Variants in STPG2 observed in about 807,000 individuals in gnomAD.
STPG2 encodes the protein sperm-tail PG-rich repeat-containing protein 2.
Under a neutral mutation model 54.2 loss-of-function variants are expected in STPG2, and 56 were observed. That is an observed-to-expected ratio of 1.03 (90% CI 0.83 to 1.29). The LOEUF (loss-of-function observed/expected upper bound fraction) is 1.29, where lower values mean the gene tolerates loss of function less well. Ranked by LOEUF, STPG2 falls within the 50% of genes most tolerant of loss-of-function variation. The pLI, the probability that STPG2 is intolerant of heterozygous loss-of-function variation, is 0.00. For missense variants in STPG2, 596 were observed against 544.9 expected, an observed-to-expected ratio of 1.09 and a Z score of -0.93; for synonymous variants, 200 against 181.8, an observed-to-expected ratio of 1.10 and a Z score of -0.81.
At chr4:97,717,071 A>G (rs1246826215) in intron 9 of STPG2, among the ~76,000 whole-genome samples, 1 of 152,092 alleles carries the variant, frequency 6.6e-6, no homozygotes, top group African/African-American at 2.4e-5. Context: ...TCAATGCCAG[A>G]GACACATTTA....
intron 5 of STPG2, among the ~76,000 whole-genome samples, chr4:98,000,631 C>G (rs571534737): frequency 6.6e-6 from 1 of 152,192 alleles, no homozygotes; most frequent in East Asian, 1.9e-4. Flanking sequence ...CAAACATGCT[C>G]TATGTGGTTC....
At chr4:97,889,682 G>A (rs1011523832) in intron 8 of STPG2, among the ~76,000 whole-genome samples, 1 of 152,146 alleles carries the variant, frequency 6.6e-6, no homozygotes, top group Non-Finnish European at 1.5e-5. Flanking sequence ...AAGTTTGGGG[G>A]AAAGAGAGTT....
intron 9 of STPG2, among the ~76,000 whole-genome samples, chr4:97,810,744 C>T (rs1460460321): frequency 6.6e-6 from 1 of 152,000 alleles, no homozygotes; most frequent in Non-Finnish European, 1.5e-5. Flanking sequence ...GGGATAAAGG[C>T]CATAATTTGA....
intron 5 of STPG2, among the ~76,000 whole-genome samples, chr4:98,063,481 A>C (rs1737726430): frequency 6.6e-6 from 1 of 152,158 alleles, no homozygotes; most frequent in Admixed American, 6.6e-5. Context: ...TAAAACATTT[A>C]AATAACACTG....
At chr4:97,952,394 G>T (rs1369439693) in intron 7 of STPG2, among the ~76,000 whole-genome samples, 1 of 152,164 alleles carries the variant, frequency 6.6e-6, no homozygotes, top group Non-Finnish European at 1.5e-5. Context: ...TCTGAAGAAA[G>T]AAACTTCCCA....
At chr4:97,563,735 G>T (rs1474848999) in intron 10 of STPG2, among the ~76,000 whole-genome samples, 1 of 152,184 alleles carries the variant, frequency 6.6e-6, no homozygotes, top group Non-Finnish European at 1.5e-5. Flanking sequence ...CAGTTTCCAT[G>T]TAGTTGAGTG....
chr4:97,483,323 C>G (rs944660787), intron 4 of STPG2, among the ~76,000 whole-genome samples: 2 of 151,182 alleles, frequency 1.3e-5, no homozygotes, highest in African/African-American at 2.4e-5. Context: ...CTATCTGCTG[C>G]CTTCAGGAGA....
At chr4:97,530,803 G>A (rs1731397311) in intron 4 of STPG2, among the ~76,000 whole-genome samples, 1 of 151,934 alleles carries the variant, frequency 6.6e-6, no homozygotes, top group African/African-American at 2.4e-5. Flanking sequence ...CCCAGCAGCG[G>A]TGAGCTGTGC....
At chr4:97,441,435 G>A (rs1173514875) in intron 4 of STPG2, 1 of 151,938 alleles carries the variant, frequency 6.6e-6, no homozygotes, top group Non-Finnish European at 1.5e-5. Context: ...TTATGTTCCT[G>A]TGAGCAGCTG....
chr4:97,961,908 G>A (rs1300690480), intron 7 of STPG2, among the ~76,000 whole-genome samples: 2 of 152,054 alleles, frequency 1.3e-5, no homozygotes, highest in African/African-American at 2.4e-5. Flanking sequence ...ACTTGCACAC[G>A]CACGTTTATA....
intron 8 of STPG2, among the ~76,000 whole-genome samples, chr4:97,906,206 T>G (rs1731411311): frequency 6.6e-6 from 1 of 152,004 alleles, no homozygotes; most frequent in South Asian, 2.1e-4. Context: ...CCCACAGAAA[T>G]ACAAACTACT....
chr4:97,841,746 C>G (rs981843140), intron 8 of STPG2, among the ~76,000 whole-genome samples: 4 of 151,774 alleles, frequency 2.6e-5, no homozygotes, highest in Admixed American at 1.3e-4. Flanking sequence ...CTGCTGCTTA[C>G]TAGCTATGTG....
rs979121684 is a variant in STPG2 at position 97,965,566 on chromosome 4, C to T, written c.933+6714G>A. Among the ~76,000 whole-genome samples, 17 of 152,282 alleles carry T rather than the reference C, an allele frequency of 1.1e-4. No homozygotes were observed. In the Middle Eastern group the frequency reaches 0.01, roughly 91 times the overall value. ...AATGGGGCCCTGACCCCCACGTAGA[C>T]GAACTAGGAGACACTTCCCAGAACG... is the stretch of plus-strand genomic sequence containing the variant. On this transcript the variant is annotated intron_variant, in intron 7 of 10. Transcript: ENST00000295268.
intron 8 of STPG2, among the ~76,000 whole-genome samples, chr4:97,921,009 G>T (rs1386758694): frequency 1.3e-5 from 2 of 152,132 alleles, no homozygotes; most frequent in Non-Finnish European, 2.9e-5. Flanking sequence ...ACCTTAACAA[G>T]AGCTAAAGAA....
At chr4:97,635,251 G>T (rs1208646393) in intron 10 of STPG2, among the ~76,000 whole-genome samples, 1 of 152,168 alleles carries the variant, frequency 6.6e-6, no homozygotes, top group Non-Finnish European at 1.5e-5. Flanking sequence ...AGCTTCATAA[G>T]TGAAGGAGAA....
intron 10 of STPG2, among the ~76,000 whole-genome samples, chr4:97,681,405 A>C (rs1050159701): frequency 6.6e-6 from 1 of 151,862 alleles, no homozygotes; most frequent in African/African-American, 2.4e-5. Context: ...GGTAGGTATC[A>C]GTGAAGCCTG....
chr4:97,534,202 C>CTTTTTATA (rs1284121511), intron 4 of STPG2, among the ~76,000 whole-genome samples: 2 of 151,864 alleles, frequency 1.3e-5, no homozygotes, highest in Non-Finnish European at 2.9e-5. Flanking sequence ...TATGTTCATA[C>CTTTTTATA]TTTTTATATT....
chr4:98,039,545 G>A (rs1312131747), intron 5 of STPG2, among the ~76,000 whole-genome samples: 1 of 150,990 alleles, frequency 6.6e-6, no homozygotes, highest in Non-Finnish European at 1.5e-5. Context: ...CAAAAGTGGA[G>A]GGTGGAAGAG....
rs927224762 is a variant in STPG2 at position 97,750,194 on chromosome 4, G to T, written c.1205-37380C>A. Among the ~76,000 whole-genome samples, 10 of 151,662 alleles carry T rather than the reference G, an allele frequency of 6.6e-5. No individual in the cohort carries two copies. The Admixed American group carries it at 6.6e-4, about 10-fold the overall frequency. ...GCCAACCTGTCCTTTCACTGATAGA[G>T]CCCTTAGAAAATCTTTGCTTTATAT... On this transcript the variant is annotated intron_variant, in intron 9 of 10. Transcript: ENST00000295268.
Sources: gnomAD v4.1 joint callset for allele counts (sites outside exome capture counted in the v4.1 genomes callset) on GRCh38, gnomAD v4.1.1 for gene constraint, MANE v1.5 for transcripts, NCBI Gene and HGNC (gene_info 2026-07-23, HGNC 2026-07-21) for gene names.